ZBTB46: variants seen among roughly 807,000 people sequenced by gnomAD.
ZBTB46 encodes the protein zinc finger and BTB domain containing 46.
Under a neutral mutation model 44.1 loss-of-function variants are expected in ZBTB46, and 8 were observed. That is an observed-to-expected ratio of 0.18 (90% CI 0.11 to 0.33). ZBTB46 has a LOEUF of 0.33. Among genes scored for constraint, ZBTB46 ranks in the 10% least tolerant of loss-of-function variants. The pLI is 1.00. For missense variants in ZBTB46, 651 were observed against 847.7 expected (o/e 0.77, Z 2.88); for synonymous variants, 409 against 382.3 (o/e 1.07, Z -0.81).
intron 1 of ZBTB46, among the ~76,000 whole-genome samples, chr20:63,830,431 C>T (rs1188937955): frequency 9.3e-5 from 14 of 150,108 alleles, no homozygotes; most frequent in Non-Finnish European, 1.0e-4. Flanking sequence ...CGCCCCGAGC[C>T]GCCCCGCCCC....
At chr20:63,813,191 G>A (rs2092727501) in intron 1 of ZBTB46, among the ~76,000 whole-genome samples, 1 of 152,160 alleles carries the variant, frequency 6.6e-6, no homozygotes, top group African/African-American at 2.4e-5. Flanking sequence ...GCTCACACCT[G>A]TAATCCCAGC....
At chr20:63,829,436 A>G (rs1407147503) in intron 1 of ZBTB46, among the ~76,000 whole-genome samples, 1 of 152,276 alleles carries the variant, frequency 6.6e-6, no homozygotes, top group Non-Finnish European at 1.5e-5. Flanking sequence ...TCGGATTTCT[A>G]AACACCTCAA....
chr20:63,754,250 G>T (rs971744144), intron 3 of ZBTB46, among the ~76,000 whole-genome samples: 1 of 152,138 alleles, frequency 6.6e-6, no homozygotes, highest in Admixed American at 6.6e-5. Flanking sequence ...CCTGTCCTCT[G>T]TCAGCCACAC....
chr20:63,792,932 T>C (rs1047394637), intron 1 of ZBTB46, among the ~76,000 whole-genome samples: 1 of 152,156 alleles, frequency 6.6e-6, no homozygotes, highest in Non-Finnish European at 1.5e-5. Context: ...TCCTGGGCCA[T>C]CCCCTCCTTG....
At chr20:63,758,220 C>T (rs1322262693) in intron 3 of ZBTB46, among the ~76,000 whole-genome samples, 1 of 148,804 alleles carries the variant, frequency 6.7e-6, no homozygotes. Context: ...CACACTCCCT[C>T]CTCCTGCTCC....
At position 63,752,064 on chromosome 20, in the gene ZBTB46, G is replaced by A. The variant is rs2092173100; in HGVS notation, c.1398+622C>T. Among the ~76,000 whole-genome samples, 2 of 151,992 alleles carry A rather than the reference G, an allele frequency of 1.3e-5. No homozygotes were observed. The highest frequency in any genetic ancestry group is 3.9e-4 in the East Asian group (2 of 5,142). ...CTCCCCCTGCACCCTGCGCCTCGGG[G>A]TGGGCGTTCCAGGACTCCCCGAACC... On this transcript the variant is annotated intron_variant, in intron 4 of 4. Transcript: ENST00000245663. The surrounding 1 kb of genome is among the most constrained non-coding windows in gnomAD (Gnocchi z 5.6).
At chr20:63,788,823 G>A (rs1272971865) in intron 2 of ZBTB46, among the ~76,000 whole-genome samples, 5 of 149,826 alleles carry the variant, frequency 3.3e-5, no homozygotes, top group Non-Finnish European at 7.4e-5. Flanking sequence ...TGGGCAACAC[G>A]GTGAGACTGT....
intron 1 of ZBTB46, among the ~76,000 whole-genome samples, chr20:63,808,386 G>A (rs776469077): frequency 2.0e-5 from 3 of 152,202 alleles, no homozygotes; most frequent in Non-Finnish European, 4.4e-5. Context: ...CGGAGCCCGG[G>A]GCTTCAGGGG....
upstream of ZBTB46, among the ~76,000 whole-genome samples, chr20:63,832,066 C>T (rs959656730): frequency 7.3e-5 from 11 of 151,682 alleles, no homozygotes; most frequent in Non-Finnish European, 1.2e-4. The surrounding 1 kb of genome is among the most constrained non-coding windows in gnomAD (Gnocchi z 5.0). Context: ...GCGCGTGGGT[C>T]CCTCCCGTCG....
intron 3 of ZBTB46, among the ~76,000 whole-genome samples, chr20:63,774,064 C>T (rs1158518528): frequency 1.8e-5 from 1 of 56,402 alleles, no homozygotes; most frequent in African/African-American, 6.7e-5. Flanking sequence ...CGCCCCCCCC[C>T]CCCCCCCCAG....
intron 2 of ZBTB46, 112 bp from the exon 3 acceptor site, chr20:63,776,074 C>A: frequency 7.5e-7 from 1 of 1,339,014 alleles, no homozygotes; most frequent in Non-Finnish European, 9.8e-7. Context: ...AGCTACAGAG[C>A]AGCATCAAGT....
chr20:63,809,487 G>T (rs960639853), intron 1 of ZBTB46, among the ~76,000 whole-genome samples: 1 of 152,232 alleles, frequency 6.6e-6, no homozygotes, highest in African/African-American at 2.4e-5. Flanking sequence ...CAGCAAACCT[G>T]CCAGAGCCCA....
chr20:63,776,068 A>T, intron 2 of ZBTB46, 106 bp from the exon 3 acceptor site: 1 of 1,372,314 alleles, frequency 7.3e-7, no homozygotes, highest in Non-Finnish European at 9.6e-7. Flanking sequence ...TGCCTGAGCT[A>T]CAGAGCAGCA....
At chr20:63,791,680 G>A (rs1263170627) in intron 1 of ZBTB46, among the ~76,000 whole-genome samples, 1 of 151,610 alleles carries the variant, frequency 6.6e-6, no homozygotes, top group Non-Finnish European at 1.5e-5. Flanking sequence ...CAGGGCAGGA[G>A]GGAGCTCAGG....
At chr20:63,795,683 G>A (rs368098187) in intron 1 of ZBTB46, among the ~76,000 whole-genome samples, 3 of 152,162 alleles carry the variant, frequency 2.0e-5, no homozygotes, top group East Asian at 3.9e-4. Context: ...GCACCAGGTC[G>A]GCCAATCCTC....
intron 1 of ZBTB46, among the ~76,000 whole-genome samples, chr20:63,813,094 C>CA (rs1194548784): frequency 1.4e-5 from 2 of 140,474 alleles, no homozygotes; most frequent in East Asian, 5.2e-4. Flanking sequence ...GACTCCGTCT[C>CA]AAAAAAACAA....
intron 1 of ZBTB46, among the ~76,000 whole-genome samples, chr20:63,797,023 A>G (rs960126497): frequency 6.6e-6 from 1 of 152,076 alleles, no homozygotes; most frequent in African/African-American, 2.4e-5. Context: ...TTTTTTATAT[A>G]TACTTTAAGT....
At chr20:63,780,578 G>A (rs1203468838) in intron 2 of ZBTB46, among the ~76,000 whole-genome samples, 2 of 152,062 alleles carry the variant, frequency 1.3e-5, no homozygotes, top group South Asian at 2.1e-4. Context: ...TGAGGCGGGC[G>A]GATCACGAGG....
At chr20:63,800,800 C>G (rs188537730) in intron 1 of ZBTB46, among the ~76,000 whole-genome samples, 2 of 152,216 alleles carry the variant, frequency 1.3e-5, no homozygotes, top group Non-Finnish European at 2.9e-5. Context: ...ACCTGAAGCC[C>G]GCCATGCCTG....
Sources: gnomAD v4.1 joint callset for allele counts (sites outside exome capture counted in the v4.1 genomes callset) on GRCh38, gnomAD v4.1.1 for gene constraint, Gnocchi (gnomAD v3.1) non-coding constraint, MANE v1.5 for transcripts, NCBI Gene and HGNC (gene_info 2026-07-23, HGNC 2026-07-21) for gene names.